Variants in NRG1 observed in about 807,000 individuals in gnomAD.
NRG1 encodes the protein neuregulin 1, also known as pro-neuregulin-1, membrane-bound isoform.
NRG1 carries 18 observed loss-of-function variants against 63.8 expected under a neutral mutation model. That is an observed-to-expected ratio of 0.28 (90% CI 0.19 to 0.42). The LOEUF (loss-of-function observed/expected upper bound fraction) is 0.42, where lower values mean the gene tolerates loss of function less well. NRG1 is among the 10% of genes least tolerant of loss of function. NRG1 has a pLI of 1.00. For missense variants in NRG1, 762 were observed against 814.7 expected (o/e 0.94, Z 0.79); for synonymous variants, 302 against 301.3 (o/e 1.00, Z -0.02).
intron 1 of NRG1, among the ~76,000 whole-genome samples, chr8:32,203,560 C>T (rs1843715559): frequency 6.6e-6 from 1 of 151,856 alleles, no homozygotes; most frequent in Non-Finnish European, 1.5e-5. Flanking sequence ...TGGGATTTCA[C>T]CGGGTTGGCC....
In NRG1 at chr8:32,078,515, A is replaced by G. The variant is rs1028535513; in HGVS notation, c.37+439084A>G. Among the ~76,000 whole-genome samples the G allele has an allele frequency of 5.3e-5, 8 of 152,324 alleles. 1 individual carries two copies. The East Asian group carries it at 1.5e-3, about 29-fold the overall frequency. On this transcript the variant is annotated intron_variant, in intron 1 of 10. Coordinates refer to the NRG1 transcript ENST00000519301. ...AATACCGGAGCAACAGATCAGAATA[A>G]ATAACGCTGAGAGGACCTGACCTGA...
At chr8:31,925,978 T>C (rs1037094021) in intron 1 of NRG1, among the ~76,000 whole-genome samples, 4 of 152,196 alleles carry the variant, frequency 2.6e-5, no homozygotes, top group Non-Finnish European at 5.9e-5. Context: ...TGATTTTGTA[T>C]GTATGTATGC....
At chr8:31,982,204 C>G (rs1809242088) in intron 1 of NRG1, among the ~76,000 whole-genome samples, 1 of 151,960 alleles carries the variant, frequency 6.6e-6, no homozygotes, top group Non-Finnish European at 1.5e-5. Context: ...TCTTCAACAA[C>G]TGAGTGACAG....
chr8:31,847,379 T>C lies in NRG1; in HGVS notation c.37+207948T>C, dbSNP rs554212371. On this transcript the variant is annotated intron_variant, in intron 1 of 10. Transcript: ENST00000519301. Reference sequence around the variant, plus strand: ...TTAATCTACACTTCCATTCATTCAATAAATATTTACTTTCAGGGTGTTCGG... The same window carrying C: ...TTAATCTACACTTCCATTCATTCAACAAATATTTACTTTCAGGGTGTTCGG... Among the ~76,000 whole-genome samples, 5 of 152,250 alleles carry C rather than the reference T, an allele frequency of 3.3e-5. No homozygotes were observed. In the South Asian group the frequency reaches 1.0e-3, roughly 32 times the overall value.
intron 5 of NRG1, among the ~76,000 whole-genome samples, chr8:32,641,202 A>G (rs1588914461): frequency 6.6e-6 from 1 of 151,342 alleles, no homozygotes; most frequent in Non-Finnish European, 1.5e-5. Flanking sequence ...TATCAAGTTC[A>G]GAGTTCATAG....
intron 1 of NRG1, among the ~76,000 whole-genome samples, chr8:31,871,981 C>G (rs1382809422): frequency 1.3e-5 from 2 of 152,024 alleles, no homozygotes; most frequent in Admixed American, 6.6e-5. Context: ...TTAGTATTGC[C>G]TCATGTTAAT....
intron 1 of NRG1, among the ~76,000 whole-genome samples, chr8:31,815,815 G>A (rs939694643): frequency 4.6e-5 from 7 of 152,062 alleles, no homozygotes; most frequent in African/African-American, 1.7e-4. Context: ...TTTTGCACCA[G>A]CCTAGTATTT....
chr8:31,941,519 CATCGTACCAGGA>C (rs1448573297), intron 1 of NRG1, among the ~76,000 whole-genome samples: 1 of 152,102 alleles, frequency 6.6e-6, no homozygotes, highest in African/African-American at 2.4e-5. Flanking sequence ...TTCTATTCAA[CATCGTACCAGGA>C]ATCTTAGCCA....
chr8:32,334,916 T>TA (rs1440737502), intron 1 of NRG1, among the ~76,000 whole-genome samples: 4 of 152,190 alleles, frequency 2.6e-5, no homozygotes, highest in South Asian at 2.1e-4. Context: ...TTAATGTCAA[T>TA]AAACAAGGCT....
At chr8:32,605,448 T>C (rs1314399618) in intron 2 of NRG1, 114 bp from the exon 3 acceptor site, 1 of 1,151,358 alleles carries the variant, frequency 8.7e-7, no homozygotes, top group Non-Finnish European at 1.3e-6. Flanking sequence ...TTTTAACATA[T>C]GTATAAGGTG....
intron 1 of NRG1, among the ~76,000 whole-genome samples, chr8:32,007,637 G>A (rs1813990243): frequency 1.3e-5 from 2 of 151,996 alleles, no homozygotes; most frequent in Non-Finnish European, 2.9e-5. Context: ...ATAGAAAGTC[G>A]ATCCACATCT....
chr8:31,922,274 G>C (rs1224968509), intron 1 of NRG1, among the ~76,000 whole-genome samples: 1 of 152,148 alleles, frequency 6.6e-6, no homozygotes, highest in Non-Finnish European at 1.5e-5. Context: ...TGTAATAAGA[G>C]TCAGCAAATC....
At chr8:32,410,197 T>TTC (rs1449619729) in intron 1 of NRG1, among the ~76,000 whole-genome samples, 1 of 147,926 alleles carries the variant, frequency 6.8e-6, no homozygotes, top group Non-Finnish European at 1.5e-5. Flanking sequence ...TTTTTTTTTT[T>TTC]TGAGACATGG....
At chr8:32,541,049 T>C (rs576585774) in intron 1 of NRG1, among the ~76,000 whole-genome samples, 1 of 152,280 alleles carries the variant, frequency 6.6e-6, no homozygotes, top group Admixed American at 6.5e-5. Flanking sequence ...AGACATAGAT[T>C]CTTTTAACAC....
chr8:32,494,879 G>T (rs527990970), intron 1 of NRG1, among the ~76,000 whole-genome samples: 2 of 152,032 alleles, frequency 1.3e-5, no homozygotes, highest in African/African-American at 4.8e-5. Context: ...TACGGTATGC[G>T]TCATAAAGTC....
chr8:32,717,113 A>T (rs1188644833), intron 5 of NRG1, among the ~76,000 whole-genome samples: 1 of 152,148 alleles, frequency 6.6e-6, no homozygotes, highest in Non-Finnish European at 1.5e-5. Context: ...GCCCTGTTCC[A>T]CTAAAGACAC....
At chr8:31,933,292 T>C (rs1403580036) in intron 1 of NRG1, among the ~76,000 whole-genome samples, 1 of 152,186 alleles carries the variant, frequency 6.6e-6, no homozygotes, top group Non-Finnish European at 1.5e-5. Flanking sequence ...CTCGTTTTTT[T>C]TTTTTGAGAC....
At chr8:32,393,605 C>G (rs760540241) in intron 1 of NRG1, among the ~76,000 whole-genome samples, 1 of 152,150 alleles carries the variant, frequency 6.6e-6, no homozygotes, top group Non-Finnish European at 1.5e-5. Context: ...AGCTGGAGGC[C>G]ATTATCCTTA....
At chr8:32,418,314 A>T (rs1218832967) in intron 1 of NRG1, among the ~76,000 whole-genome samples, 4 of 151,924 alleles carry the variant, frequency 2.6e-5, no homozygotes, top group Admixed American at 6.6e-5. Context: ...AAATAAGTGA[A>T]GTTAATTTTA....
Sources: gnomAD v4.1 joint callset for allele counts (sites outside exome capture counted in the v4.1 genomes callset) on GRCh38, gnomAD v4.1.1 for gene constraint, MANE v1.5 for transcripts, NCBI Gene and HGNC (gene_info 2026-07-23, HGNC 2026-07-21) for gene names.